ZBTB20: variants seen among roughly 807,000 people sequenced by gnomAD.
ZBTB20 encodes zinc finger and BTB domain containing 20.
ZBTB20 carries 9 observed loss-of-function variants against 56.9 expected under a neutral mutation model. The ratio of observed to expected loss-of-function variants is 0.16; its 90% CI spans 0.10 to 0.28. ZBTB20 has a LOEUF of 0.28. Ranked by LOEUF, ZBTB20 falls within the 10% of genes least tolerant of loss-of-function variation. ZBTB20 has a pLI of 1.00. For synonymous variants in ZBTB20, 417 were observed against 420.7 expected (o/e 0.99, Z 0.11); for missense variants, 655 against 1,003.0 (o/e 0.65, Z 4.69).
At chr3:114,528,756 G>A (rs2047512047) in intron 6 of ZBTB20, 2 of 152,154 alleles carry the variant, frequency 1.3e-5, no homozygotes, top group Non-Finnish European at 2.9e-5. Flanking sequence ...GGAGGGTTTT[G>A]AGGACAAAGT....
intron 3 of ZBTB20, among the ~76,000 whole-genome samples, chr3:114,956,299 A>T (rs1456608960): frequency 6.6e-6 from 1 of 152,178 alleles, no homozygotes; most frequent in African/African-American, 2.4e-5. Flanking sequence ...ACAAATACTC[A>T]AGACAATAAC....
At chr3:115,025,397 T>C (rs1318433375) in intron 2 of ZBTB20, among the ~76,000 whole-genome samples, 1 of 151,284 alleles carries the variant, frequency 6.6e-6, no homozygotes, top group African/African-American at 2.4e-5. Context: ...TGAATAGTGC[T>C]GCAATGAACA....
intron 4 of ZBTB20, among the ~76,000 whole-genome samples, chr3:114,831,114 T>TA (rs1342498159): frequency 2.8e-5 from 3 of 105,362 alleles, no homozygotes; most frequent in Non-Finnish European, 6.3e-5. Context: ...TTTTTTTTTT[T>TA]AGTATCCAGT....
intron 6 of ZBTB20, among the ~76,000 whole-genome samples, chr3:114,523,547 G>A (rs2046878802): frequency 6.6e-6 from 1 of 152,158 alleles, no homozygotes; most frequent in Non-Finnish European, 1.5e-5. Flanking sequence ...AGAAAGATGT[G>A]AGCTTTTTCA....
intron 7 of ZBTB20, among the ~76,000 whole-genome samples, chr3:114,402,608 T>C (rs1036693746): frequency 5.3e-5 from 8 of 152,164 alleles, no homozygotes; most frequent in Non-Finnish European, 1.2e-4. Flanking sequence ...TAAATCATCC[T>C]AACTCACGAC....
intron 6 of ZBTB20, chr3:114,518,619 G>T (rs1004257506): frequency 6.6e-6 from 1 of 152,172 alleles, no homozygotes; most frequent in African/African-American, 2.4e-5. Flanking sequence ...ACAAGATCAT[G>T]ACTCTTCACA....
chr3:114,841,984 C>T (rs2074403895), intron 4 of ZBTB20, among the ~76,000 whole-genome samples: 1 of 152,178 alleles, frequency 6.6e-6, no homozygotes, highest in African/African-American at 2.4e-5. Flanking sequence ...AGACTTTATA[C>T]AACCCCCTTC....
At chr3:114,557,203 C>A (rs958807159) in intron 6 of ZBTB20, among the ~76,000 whole-genome samples, 2 of 151,910 alleles carry the variant, frequency 1.3e-5, no homozygotes, top group African/African-American at 4.8e-5. Flanking sequence ...CTTTGATATG[C>A]TCTCATGTGG....
chr3:115,017,600 GTGAAT>G (rs2080025799), intron 2 of ZBTB20, among the ~76,000 whole-genome samples: 1 of 151,542 alleles, frequency 6.6e-6, no homozygotes, highest in East Asian at 2.0e-4. Flanking sequence ...ACAGAGAGAT[GTGAAT>G]TGAACTACCT....
chr3:114,593,073 G>C (rs1253676002), intron 6 of ZBTB20, among the ~76,000 whole-genome samples: 1 of 152,164 alleles, frequency 6.6e-6, no homozygotes, highest in East Asian at 1.9e-4. Flanking sequence ...TTTCATTATG[G>C]AGACATGTAC....
intron 2 of ZBTB20, among the ~76,000 whole-genome samples, chr3:115,033,774 CA>C (rs2080803183): frequency 6.6e-6 from 1 of 151,616 alleles, no homozygotes; most frequent in Non-Finnish European, 1.5e-5. Flanking sequence ...ACCCTGATGC[CA>C]AAACCAGACA....
chr3:114,456,622 G>T (rs1313899322), intron 7 of ZBTB20, among the ~76,000 whole-genome samples: 1 of 152,100 alleles, frequency 6.6e-6, no homozygotes, highest in Non-Finnish European at 1.5e-5. Context: ...TACTAAAAAG[G>T]GGAAACTATA....
At chr3:114,843,160 TA>T (rs1426488601) in intron 4 of ZBTB20, among the ~76,000 whole-genome samples, 3 of 152,190 alleles carry the variant, frequency 2.0e-5, no homozygotes, top group Non-Finnish European at 4.4e-5. Context: ...GTGAGTCAAT[TA>T]AGCCTCTTTT....
chr3:115,058,390 T>C (rs1018440163), intron 2 of ZBTB20, among the ~76,000 whole-genome samples: 3 of 152,164 alleles, frequency 2.0e-5, no homozygotes, highest in African/African-American at 7.2e-5. Flanking sequence ...TTACTTATAG[T>C]TGAAATCTCT....
intron 7 of ZBTB20, among the ~76,000 whole-genome samples, chr3:114,393,435 T>G (rs1239574309): frequency 6.6e-6 from 1 of 152,232 alleles, no homozygotes; most frequent in Non-Finnish European, 1.5e-5. Context: ...GTCTGTCCTT[T>G]AATTAAATCC....
Position 114,775,542 on chromosome 3 carries a change from A to C in ZBTB20, c.-343+25559T>G, listed in dbSNP as rs1237309362. Among the ~76,000 whole-genome samples, 6 of 137,770 alleles carry C rather than the reference A, an allele frequency of 4.4e-5. No homozygotes were observed. In the East Asian group the frequency reaches 1.0e-3, roughly 24 times the overall value. 90.4% of individuals were successfully genotyped at this position (137,770 alleles called of 152,430 possible). A position where few individuals can be genotyped will look rare whatever the true frequency, so the allele number is the denominator to read the frequency against. On this transcript the variant is annotated intron_variant, in intron 5 of 11. Transcript: ENST00000675478. The stretch of plus-strand genomic sequence containing the variant: ...CTTGCAATACATGTGGGCTTTTGGC[A>C]AAAAAAAAAAAAAATTGCAGTGACT...
chr3:114,577,554 G>A (rs780514463), intron 6 of ZBTB20, among the ~76,000 whole-genome samples: 2 of 152,188 alleles, frequency 1.3e-5, no homozygotes. Flanking sequence ...GCAGCCCATG[G>A]TGCTGAAGCC....
At chr3:114,986,584 C>T (rs1166642814) in intron 2 of ZBTB20, among the ~76,000 whole-genome samples, 3 of 152,078 alleles carry the variant, frequency 2.0e-5, no homozygotes, top group African/African-American at 7.2e-5. Context: ...ATTACATTTA[C>T]ATCTATTATA....
chr3:114,412,074 G>A lies in ZBTB20; in HGVS notation c.-254-22969C>T, dbSNP rs574970027. Among the ~76,000 whole-genome samples, 4 of 152,176 alleles carry A rather than the reference G, an allele frequency of 2.6e-5. No individual in the cohort carries two copies. In the South Asian group the frequency reaches 8.3e-4, roughly 32 times the overall value. On this transcript the variant is annotated intron_variant, in intron 7 of 11. Coordinates refer to ENST00000675478, the MANE Select transcript of ZBTB20 (RefSeq NM_001348800.3). ...AGCAAGTATAATGCAGTACATTCAG[G>A]GGAAAATGAAACAAGGTATATTTTC...
Sources: gnomAD v4.1 joint callset for allele counts (sites outside exome capture counted in the v4.1 genomes callset) on GRCh38, gnomAD v4.1.1 for gene constraint, MANE v1.5 for transcripts, NCBI Gene and HGNC (gene_info 2026-07-23, HGNC 2026-07-21) for gene names.